MAPK4: variants seen among roughly 807,000 people sequenced by gnomAD.
MAPK4 encodes Erk3-related.
In MAPK4, 22 loss-of-function variants were observed where a neutral mutation model predicts 47.7. That is an observed-to-expected ratio of 0.46 (90% CI 0.33 to 0.66). The LOEUF is 0.66. Ranked by LOEUF, MAPK4 falls within the 30% of genes least tolerant of loss-of-function variation. MAPK4 has a pLI of 0.02. For synonymous variants in MAPK4, 390 were observed against 365.7 expected, an observed-to-expected ratio of 1.07 and a Z score of -0.76; for missense variants, 736 against 831.7, an observed-to-expected ratio of 0.88 and a Z score of 1.42.
intron 1 of MAPK4, among the ~76,000 whole-genome samples, chr18:50,572,580 A>T (rs2042259250): frequency 6.6e-6 from 1 of 152,120 alleles, no homozygotes; most frequent in African/African-American, 2.4e-5. Context: ...CTTTCTTCTG[A>T]GATTCTCATA....
intron 1 of MAPK4, among the ~76,000 whole-genome samples, chr18:50,601,749 A>G (rs9950380): frequency 0.032 from 4,903 of 152,268 alleles, 283 homozygotes; most frequent in African/African-American, 0.11. Flanking sequence ...TGTGATGTCC[A>G]TAGGCTTTCA....
intron 3 of MAPK4, among the ~76,000 whole-genome samples, chr18:50,718,244 C>T (rs550939078): frequency 3.3e-5 from 5 of 152,286 alleles, no homozygotes; most frequent in African/African-American, 1.2e-4. Context: ...GTTTTTGAGA[C>T]AGTCTCGTGC....
intron 1 of MAPK4, among the ~76,000 whole-genome samples, chr18:50,625,735 C>T (rs1198936600): frequency 1.3e-5 from 2 of 152,030 alleles, no homozygotes; most frequent in African/African-American, 2.4e-5. Flanking sequence ...TTGGGAGATC[C>T]TCATAGAAAG....
Position 50,729,547 on chromosome 18 carries a change from C to A in MAPK4, c.1457C>A (p.Pro486Gln). The change falls in exon 6 of 6, where the codon CCG becomes CAG. Residue 486 changes from proline (P) to glutamine (Q), a missense_variant. Coordinates refer to ENST00000400384, the MANE Select transcript of MAPK4 (RefSeq NM_002747.4). ...LADTGAREDE[P>Q]ASLFLEIAQW... The stretch of plus-strand genomic sequence containing the variant: ...GACACGGGGGCGCGCGAGGACGAGC[C>A]GGCCAGCCTCTTCCTGGAGATCGCG... 1 of 1,426,930 alleles carries A rather than the reference C, an allele frequency of 7.0e-7. No individual in the cohort carries two copies. The highest frequency in any genetic ancestry group is 9.2e-7 in the Non-Finnish European group (1 of 1,089,894). The allele number at this position is 1,426,930 out of a possible 1,614,324, so 88.4% of individuals were successfully genotyped here.
At chr18:50,635,782 G>A (rs1471585826) in intron 1 of MAPK4, among the ~76,000 whole-genome samples, 2 of 152,102 alleles carry the variant, frequency 1.3e-5, no homozygotes, top group African/African-American at 2.4e-5. Context: ...GTCCACGGGT[G>A]CTTATGGTCT....
chr18:50,722,103 C>T lies in MAPK4; in HGVS notation c.853+4C>T. ...CTCCCTGAAGTGAACAGTGAAGGTACCTGAGCCTGGCAGCCAGGCCAAGTG... is the reference window on the plus strand; with the variant it reads ...CTCCCTGAAGTGAACAGTGAAGGTATCTGAGCCTGGCAGCCAGGCCAAGTG... On this transcript the variant is annotated splice_donor_region_variant and intron_variant, in intron 4 of 5. Transcript: ENST00000400384. 6.2e-7 allele frequency: 1 copy of T among 1,608,424 alleles called. No individual in the cohort carries two copies. The highest frequency in any genetic ancestry group is 8.5e-7 in the Non-Finnish European group (1 of 1,178,240).
Position 50,730,691 on chromosome 18 carries a change from C to T in MAPK4, c.*837C>T, listed in dbSNP as rs1341437980. 1.3e-5 allele frequency: 2 copies of T among 152,536 alleles called. No homozygotes were observed. Among genetic ancestry groups the T allele is most frequent in the East Asian group, 1.9e-4 (1 of 5,164 alleles). The allele number at this position is 152,536 out of a possible 1,614,324, so 9.4% of individuals were successfully genotyped here. A position where few individuals can be genotyped will look rare whatever the true frequency, so the allele number is the denominator to read the frequency against. On this transcript the variant is annotated 3_prime_UTR_variant, in exon 6 of 6. Transcript: ENST00000400384. Reference sequence around the variant, plus strand: ...CCCCTCAGCACTCCCTATGCACTTTCCTGACACGCAAAGACACAGCCCTCT... The same window carrying T: ...CCCCTCAGCACTCCCTATGCACTTTTCTGACACGCAAAGACACAGCCCTCT...
At position 50,569,719 on chromosome 18, in the gene MAPK4, A is replaced by G. The variant is rs1242987116; in HGVS notation, c.-871+9476A>G. On this transcript the variant is annotated intron_variant, in intron 1 of 5. Coordinates refer to ENST00000400384, the MANE Select transcript of MAPK4 (RefSeq NM_002747.4). ...AAAACAAAACAGAACAACAATAACA[A>G]CAAAATAAGGTGGGTTAGACAAGCT... Among the ~76,000 whole-genome samples the G allele has an allele frequency of 3.3e-5, 5 of 152,374 alleles. No homozygotes were observed. In the East Asian group the frequency reaches 9.6e-4, roughly 29 times the overall value.
chr18:50,645,499 C>T (rs987034579), intron 1 of MAPK4, among the ~76,000 whole-genome samples: 2 of 152,194 alleles, frequency 1.3e-5, no homozygotes, highest in African/African-American at 4.8e-5. Context: ...ACACTCTACA[C>T]AGTGACAGCC....
chr18:50,601,737 T>C lies in MAPK4; in HGVS notation c.-871+41494T>C, dbSNP rs75350546. On this transcript the variant is annotated intron_variant, in intron 1 of 5. Coordinates refer to ENST00000400384, the MANE Select transcript of MAPK4 (RefSeq NM_002747.4). ...TATTTTGCTTCCTATTGAGACTCTG[T>C]GTGTGATGTCCATAGGCTTTCAAGC... is the stretch of plus-strand genomic sequence containing the variant. 9.4e-3 allele frequency among the ~76,000 whole-genome samples: 1,428 copies of C among 152,342 alleles called. 12 individuals are homozygous for C. Among genetic ancestry groups the C allele is most frequent in the Non-Finnish European group, 0.014 (951 of 68,036 alleles).
At chr18:50,699,556 A>C (rs1484464327) in intron 2 of MAPK4, among the ~76,000 whole-genome samples, 1 of 152,246 alleles carries the variant, frequency 6.6e-6, no homozygotes, top group African/African-American at 2.4e-5. Context: ...CAAAAAACAT[A>C]AATAGTATAC....
intron 2 of MAPK4, among the ~76,000 whole-genome samples, chr18:50,695,657 A>G (rs1486796144): frequency 6.6e-6 from 1 of 152,202 alleles, no homozygotes; most frequent in Non-Finnish European, 1.5e-5. Flanking sequence ...AGAGAGAGCT[A>G]GAGAGAGCGC....
intron 1 of MAPK4, among the ~76,000 whole-genome samples, chr18:50,603,306 C>T (rs1568041558): frequency 6.6e-6 from 1 of 152,166 alleles, no homozygotes; most frequent in Non-Finnish European, 1.5e-5. Context: ...TCTTCTGTCC[C>T]AGAGTCAAAG....
At chr18:50,695,338 T>TAAA (rs59857315) in intron 2 of MAPK4, among the ~76,000 whole-genome samples, 1 of 84,696 alleles carries the variant, frequency 1.2e-5, no homozygotes. Flanking sequence ...GGCTCCATCT[T>TAAA]AAAAAAAAAA....
chr18:50,598,083 C>T (rs1269105443), intron 1 of MAPK4, among the ~76,000 whole-genome samples: 1 of 152,232 alleles, frequency 6.6e-6, no homozygotes, highest in Non-Finnish European at 1.5e-5. Context: ...CTTCCTGGGC[C>T]TTCACGGCCC....
intron 1 of MAPK4, among the ~76,000 whole-genome samples, chr18:50,617,458 A>G (rs1184853781): frequency 1.3e-5 from 2 of 152,190 alleles, no homozygotes; most frequent in African/African-American, 2.4e-5. Context: ...GTCAAACATG[A>G]CTTTCCAGGG....
At chr18:50,576,575 A>G (rs1023863365) in intron 1 of MAPK4, among the ~76,000 whole-genome samples, 1 of 152,200 alleles carries the variant, frequency 6.6e-6, no homozygotes. Flanking sequence ...CTGTACACCA[A>G]ACTTCTGTGA....
At chr18:50,630,878 G>A (rs959781608) in intron 1 of MAPK4, among the ~76,000 whole-genome samples, 2 of 152,132 alleles carry the variant, frequency 1.3e-5, no homozygotes, top group African/African-American at 2.4e-5. Context: ...TGCAACTTTG[G>A]TTCAGTTCCA....
At chr18:50,590,831 C>T (rs537299974) in intron 1 of MAPK4, among the ~76,000 whole-genome samples, 2 of 152,172 alleles carry the variant, frequency 1.3e-5, no homozygotes, top group East Asian at 1.9e-4. Context: ...ATAAGTGTTC[C>T]GCTTGGCTGG....
Sources: gnomAD v4.1 joint callset for allele counts (sites outside exome capture counted in the v4.1 genomes callset) on GRCh38, gnomAD v4.1.1 for gene constraint, MANE v1.5 for transcripts, NCBI Gene and HGNC (gene_info 2026-07-23, HGNC 2026-07-21) for gene names.